The following AKT3 variants were observed in gnomAD, a reference collection of about 807,000 sequenced individuals.
AKT3 encodes the protein AKT serine/threonine kinase 3.
Under a neutral mutation model 65.3 loss-of-function variants are expected in AKT3, and 15 were observed. The observed-to-expected ratio is 0.23, with a 90% CI of 0.15 to 0.35. The LOEUF (loss-of-function observed/expected upper bound fraction) is 0.35. AKT3 is among the 10% of genes least tolerant of loss of function. The pLI, the probability that AKT3 is intolerant of heterozygous loss-of-function variation, is 1.00. For missense variants in AKT3, 243 were observed against 576.5 expected (o/e 0.42, Z 5.92); for synonymous variants, 206 against 183.8 (o/e 1.12, Z -0.98).
At chr1:243,735,554 G>A (rs567714619) in intron 2 of AKT3, 5 of 152,224 alleles carry the variant, frequency 3.3e-5, no homozygotes, top group South Asian at 2.1e-4. Context: ...ATTTCGTTGC[G>A]TTTCCTCTCA....
intron 13 of AKT3, among the ~76,000 whole-genome samples, chr1:243,491,724 G>C (rs1666457218): frequency 6.6e-6 from 1 of 152,198 alleles, no homozygotes; most frequent in African/African-American, 2.4e-5. Flanking sequence ...GTTCGAGCAG[G>C]TATTTTGGAT....
At chr1:243,629,773 CTGAG>C (rs1381728330) in intron 6 of AKT3, among the ~76,000 whole-genome samples, 2 of 152,152 alleles carry the variant, frequency 1.3e-5, no homozygotes, top group Admixed American at 1.3e-4. Context: ...GCCTGGGCGA[CTGAG>C]TGAGACTTTG....
At chr1:243,670,601 A>C (rs927286775) in intron 3 of AKT3, among the ~76,000 whole-genome samples, 2 of 152,236 alleles carry the variant, frequency 1.3e-5, no homozygotes, top group Admixed American at 6.5e-5. Flanking sequence ...GATTCTAAAA[A>C]GCTATTAACC....
At chr1:243,692,543 G>A (rs914602161) in intron 3 of AKT3, among the ~76,000 whole-genome samples, 2 of 151,170 alleles carry the variant, frequency 1.3e-5, no homozygotes, top group African/African-American at 4.9e-5. Context: ...GACCAGCCTG[G>A]CCAACATGGT....
chr1:243,728,706 T>C (rs1056960246), intron 2 of AKT3, among the ~76,000 whole-genome samples: 3 of 152,148 alleles, frequency 2.0e-5, no homozygotes, highest in Non-Finnish European at 4.4e-5. Context: ...TCTAAAGACT[T>C]AATAAAACTA....
chr1:243,828,866 C>T (rs1694332564), intron 2 of AKT3, among the ~76,000 whole-genome samples: 1 of 152,030 alleles, frequency 6.6e-6, no homozygotes, highest in Non-Finnish European at 1.5e-5. Flanking sequence ...TGTAGATGGA[C>T]AAGAAGTAAG....
chr1:243,804,460 A>G (rs1692592626), intron 2 of AKT3, among the ~76,000 whole-genome samples: 1 of 152,240 alleles, frequency 6.6e-6, no homozygotes, highest in Non-Finnish European at 1.5e-5. Context: ...ATTGTAGAAT[A>G]GTTAAATCTA....
At chr1:243,589,882 T>C (rs571787013) in intron 8 of AKT3, among the ~76,000 whole-genome samples, 2 of 152,304 alleles carry the variant, frequency 1.3e-5, no homozygotes, top group Admixed American at 1.3e-4. Context: ...AATGAAAATG[T>C]GGTATATTTA....
At chr1:243,735,325 G>T (rs992614323) in intron 2 of AKT3, among the ~76,000 whole-genome samples, 3 of 152,210 alleles carry the variant, frequency 2.0e-5, no homozygotes, top group African/African-American at 7.2e-5. Flanking sequence ...ATTGTGCTAT[G>T]ATGTTACATC....
At chr1:243,782,717 G>T (rs145544982) in intron 2 of AKT3, among the ~76,000 whole-genome samples, 1 of 152,262 alleles carries the variant, frequency 6.6e-6, no homozygotes, top group African/African-American at 2.4e-5. Context: ...GACGATTAGC[G>T]TATCTTTGAA....
chr1:243,850,022 G>T lies in AKT3; in HGVS notation c.-113+18C>A. On this transcript the variant is annotated intron_variant, in intron 1 of 13. Coordinates refer to ENST00000673466, the MANE Select transcript of AKT3 (RefSeq NM_005465.7). ...GCCAGGCGGGGAGGGGGCTAGAGTT[G>T]GGGGCGGTGGCTGTTACCTGCAACG... is the stretch of plus-strand genomic sequence containing the variant. 1 of 986,428 alleles carries T rather than the reference G, an allele frequency of 1.0e-6. No homozygotes were observed. The highest frequency in any genetic ancestry group is 4.5e-5 in the South Asian group (1 of 22,208). The allele number at this position is 986,428 out of a possible 1,614,324, so 61.1% of individuals were successfully genotyped here.
chr1:243,814,498 C>T (rs1488780233), intron 2 of AKT3: 1 of 152,142 alleles, frequency 6.6e-6, no homozygotes, highest in East Asian at 1.9e-4. Flanking sequence ...ACTCTTCTTA[C>T]CAATGTTTAA....
At chr1:243,770,582 T>G (rs1558795282) in intron 2 of AKT3, among the ~76,000 whole-genome samples, 1 of 152,136 alleles carries the variant, frequency 6.6e-6, no homozygotes, top group Non-Finnish European at 1.5e-5. Flanking sequence ...AGTGGAATCC[T>G]TTGTATCACC....
chr1:243,719,400 T>G (rs1686733068), intron 2 of AKT3, among the ~76,000 whole-genome samples: 1 of 152,194 alleles, frequency 6.6e-6, no homozygotes, highest in South Asian at 2.1e-4. Context: ...CACCAAGTCT[T>G]CCTCCAACTG....
chr1:243,645,648 T>C (rs1680753818), intron 5 of AKT3, among the ~76,000 whole-genome samples: 1 of 152,206 alleles, frequency 6.6e-6, no homozygotes, highest in Non-Finnish European at 1.5e-5. Flanking sequence ...TAAAGTAGTG[T>C]GATGGCACAT....
chr1:243,795,965 C>T (rs1691978085), intron 2 of AKT3, among the ~76,000 whole-genome samples: 1 of 152,154 alleles, frequency 6.6e-6, no homozygotes. Flanking sequence ...ACAGATTTTC[C>T]GACCAGCTCC....
chr1:243,813,499 G>GA (rs932160515), intron 2 of AKT3, among the ~76,000 whole-genome samples: 4 of 145,196 alleles, frequency 2.8e-5, no homozygotes, highest in Admixed American at 6.9e-5. Flanking sequence ...AAAAAAAAAA[G>GA]AAAAAAAGTA....
chr1:243,841,263 A>G (rs1695222928), intron 2 of AKT3, among the ~76,000 whole-genome samples: 1 of 152,162 alleles, frequency 6.6e-6, no homozygotes, highest in East Asian at 1.9e-4. Flanking sequence ...CTAAAGAATC[A>G]TCCTAAACCT....
intron 2 of AKT3, among the ~76,000 whole-genome samples, chr1:243,799,443 GTTAA>G (rs1319160403): frequency 6.6e-6 from 1 of 152,138 alleles, no homozygotes; most frequent in African/African-American, 2.4e-5. Flanking sequence ...AAACTATACT[GTTAA>G]TTATAGTTAC....
Sources: gnomAD v4.1 joint callset for allele counts (sites outside exome capture counted in the v4.1 genomes callset) on GRCh38, gnomAD v4.1.1 for gene constraint, MANE v1.5 for transcripts, NCBI Gene and HGNC (gene_info 2026-07-23, HGNC 2026-07-21) for gene names.